The following NPPC variants were observed in gnomAD, a reference collection of about 807,000 sequenced individuals.
NPPC encodes the protein natriuretic peptide C, also known as C-type natriuretic peptide.
In NPPC, 4 loss-of-function variants were observed where a neutral mutation model predicts 10.2. The ratio of observed to expected loss-of-function variants is 0.39; its 90% CI spans 0.19 to 0.90. The LOEUF is 0.90. Among genes scored for constraint, NPPC ranks in the 40% least tolerant of loss-of-function variants. The probability of loss-of-function intolerance (pLI) is 0.37; values close to 1 mark genes in which losing one functional copy is unlikely to be tolerated. For missense variants in NPPC, 182 were observed against 173.8 expected (o/e 1.05, Z -0.26); for synonymous variants, 83 against 87.3 (o/e 0.95, Z 0.27).
chr2:231,925,909 T>A (rs1405398081), intron 1 of NPPC, among the ~76,000 whole-genome samples, 194 bp from the exon 2 acceptor site: 1 of 152,160 alleles, frequency 6.6e-6, no homozygotes, highest in African/African-American at 2.4e-5. Flanking sequence ...GGAAGCCCCC[T>A]GCCCTCCCTT....
In NPPC at chr2:231,922,258, A is replaced by G. The variant is rs1691939001; in HGVS notation, c.*78T>C. 6.6e-6 allele frequency: 1 copy of G among 152,204 alleles called. No individual in the cohort carries two copies. The highest frequency in any genetic ancestry group is 1.5e-5 in the Non-Finnish European group (1 of 68,040). The allele number at this position is 152,204 out of a possible 1,614,324, so 9.4% of individuals were successfully genotyped here. A position where few individuals can be genotyped will look rare whatever the true frequency, so the allele number is the denominator to read the frequency against. ...GCCACATTGCGTTGGAGGTGTTTCC[A>G]GATGCTGGAGGCTGATGACCAAAGA... On this transcript the variant is annotated 3_prime_UTR_variant, in exon 3 of 3. Transcript: ENST00000409852.
At chr2:231,924,656 G>A (rs1247118601) in intron 2 of NPPC, among the ~76,000 whole-genome samples, 1 of 152,230 alleles carries the variant, frequency 6.6e-6, no homozygotes, top group Non-Finnish European at 1.5e-5. Flanking sequence ...GTGGCGGTAG[G>A]GCAGAGGTTT....
intron 2 of NPPC, among the ~76,000 whole-genome samples, chr2:231,922,892 T>A (rs1288349148): frequency 6.6e-6 from 1 of 152,196 alleles, no homozygotes; most frequent in African/African-American, 2.4e-5. Flanking sequence ...ATCGGCAGTG[T>A]CTGGGTCACA....
intron 2 of NPPC, among the ~76,000 whole-genome samples, chr2:231,923,212 T>A (rs901377898): frequency 6.6e-6 from 1 of 152,160 alleles, no homozygotes; most frequent in African/African-American, 2.4e-5. Context: ...TGCCGTGAGT[T>A]TACACAGATG....
At chr2:231,923,587 AAAT>A (rs1465534477) in intron 2 of NPPC, among the ~76,000 whole-genome samples, 3 of 152,206 alleles carry the variant, frequency 2.0e-5, no homozygotes, top group Non-Finnish European at 4.4e-5. Context: ...CGCCCTTCCC[AAAT>A]AATAATAAAA....
chr2:231,926,033 G>T, intron 1 of NPPC, 127 bp downstream of exon 1: 1 of 780,392 alleles, frequency 1.3e-6, no homozygotes, highest in Non-Finnish European at 1.8e-6. Flanking sequence ...CCCGGCTCTC[G>T]CCCACGCGCA....
chr2:231,923,172 T>C (rs1003992075), intron 2 of NPPC, among the ~76,000 whole-genome samples: 1 of 152,228 alleles, frequency 6.6e-6, no homozygotes, highest in African/African-American at 2.4e-5. Flanking sequence ...AATGGCTTGA[T>C]GAACCCTCCC....
intron 2 of NPPC, among the ~76,000 whole-genome samples, chr2:231,925,048 C>T (rs969959980): frequency 2.0e-5 from 3 of 152,200 alleles, no homozygotes; most frequent in African/African-American, 7.2e-5. Context: ...AACCTTCCTT[C>T]TCTGCTCCCA....
intron 2 of NPPC, among the ~76,000 whole-genome samples, chr2:231,923,363 T>A (rs1386428702): frequency 1.3e-5 from 2 of 152,220 alleles, no homozygotes; most frequent in East Asian, 1.9e-4. Flanking sequence ...AGAGCCCAGG[T>A]CACCCACTGC....
In NPPC at chr2:231,926,321, G is replaced by T; in HGVS notation, c.-72C>A. ...GCAGGTCGGCGGGCAGACCAGCAGG[G>T]GGATGCGGAGCAGGCTGGCTGGGCT... On this transcript the variant is annotated 5_prime_UTR_variant, in exon 1 of 3. Coordinates refer to ENST00000409852, the MANE Select transcript of NPPC (RefSeq NM_024409.4). 9.7e-7 allele frequency: 1 copy of T among 1,029,154 alleles called. No individual in the cohort carries two copies. Among genetic ancestry groups the T allele is most frequent in the Non-Finnish European group, 1.3e-6 (1 of 795,126 alleles). The allele number at this position is 1,029,154 out of a possible 1,614,324, so 63.8% of individuals were successfully genotyped here.
At chr2:231,925,821 C>T in intron 1 of NPPC, 106 bp from the exon 2 acceptor site, 1 of 1,281,138 alleles carries the variant, frequency 7.8e-7, no homozygotes. Flanking sequence ...CCCTCCCAAG[C>T]CCAGAGCCGC....
intron 2 of NPPC, among the ~76,000 whole-genome samples, chr2:231,922,679 C>T (rs556516668): frequency 2.0e-5 from 3 of 152,290 alleles, no homozygotes; most frequent in African/African-American, 4.8e-5. Context: ...AGTCAGTGCT[C>T]GCCCGGGGTT....
chr2:231,922,718 G>T (rs1156408191), intron 2 of NPPC, among the ~76,000 whole-genome samples: 1 of 152,238 alleles, frequency 6.6e-6, no homozygotes. Flanking sequence ...TGGATGGAAG[G>T]AGAAGAGAGA....
chr2:231,926,270 G>C lies in NPPC; in HGVS notation c.-21C>G. ...TGCATGGTGCCGCTGGGGTCGAGGG[G>C]CGCACACGGGCGGCAGCGAGGGCGC... On this transcript the variant is annotated 5_prime_UTR_variant, in exon 1 of 3. Transcript: ENST00000409852. The C allele has an allele frequency of 7.8e-7, 1 of 1,276,182 alleles. No individual in the cohort carries two copies. The allele number at this position is 1,276,182 out of a possible 1,614,324, so 79.1% of individuals were successfully genotyped here.
rs192951977 is a variant in NPPC at position 231,924,646 on chromosome 2, G to C, written c.*20+759C>G. Among the ~76,000 whole-genome samples the C allele has an allele frequency of 1.6e-3, 239 of 152,326 alleles. 1 individual carries two copies. The highest frequency in any genetic ancestry group is 2.5e-4 in the Non-Finnish European group (17 of 68,032). ...ACCACCACGCGGCACCCGGCAGGGG[G>C]TGGCGGTAGGGCAGAGGTTTCCAGC... On this transcript the variant is annotated intron_variant, in intron 2 of 2. Coordinates refer to ENST00000409852, the MANE Select transcript of NPPC (RefSeq NM_024409.4).
Position 231,925,396 on chromosome 2 carries a change from CG to C in NPPC, c.*20+8del. 1 of 1,573,302 alleles carries C rather than the reference CG, an allele frequency of 6.4e-7. No homozygotes were observed. The highest frequency in any genetic ancestry group is 8.6e-7 in the Non-Finnish European group (1 of 1,159,150). On this transcript the variant is annotated splice_region_variant and intron_variant, in intron 2 of 2. Transcript: ENST00000409852. ...GGCTGGGGCTGGGCGTCGGGTGGGCCGTACTCACCGCCGCCAGGGGGCGCCG... is the reference window on the plus strand; with the variant it reads ...GGCTGGGGCTGGGCGTCGGGTGGGCCTACTCACCGCCGCCAGGGGGCGCCG...
At chr2:231,925,171 C>T (rs1437934316) in intron 2 of NPPC, among the ~76,000 whole-genome samples, 1 of 152,246 alleles carries the variant, frequency 6.6e-6, no homozygotes, top group East Asian at 1.9e-4. Flanking sequence ...GTTTCTGCTT[C>T]TCCAGAAGAA....
intron 2 of NPPC, among the ~76,000 whole-genome samples, chr2:231,924,949 G>T (rs1194548151): frequency 1.3e-5 from 2 of 152,278 alleles, no homozygotes; most frequent in East Asian, 3.9e-4. Flanking sequence ...AGGCAGAAGG[G>T]CGCTCTGACA....
At chr2:231,925,037 TA>T (rs1326724098) in intron 2 of NPPC, among the ~76,000 whole-genome samples, 1 of 152,132 alleles carries the variant, frequency 6.6e-6, no homozygotes, top group Admixed American at 6.5e-5. Flanking sequence ...CTTGTGGGTG[TA>T]ACCTTCCTTC....
Sources: gnomAD v4.1 joint callset for allele counts (sites outside exome capture counted in the v4.1 genomes callset) on GRCh38, gnomAD v4.1.1 for gene constraint, MANE v1.5 for transcripts, NCBI Gene and HGNC (gene_info 2026-07-23, HGNC 2026-07-21) for gene names.